STARD13: variants seen among roughly 807,000 people sequenced by gnomAD.
STARD13 encodes the protein stAR-related lipid transfer protein 13.
In STARD13, 62 loss-of-function variants were observed where a neutral mutation model predicts 106.4. The observed-to-expected ratio is 0.58, with a 90% CI of 0.48 to 0.72. STARD13 has a LOEUF of 0.72. Among genes scored for constraint, STARD13 ranks in the 30% least tolerant of loss-of-function variants. The pLI, the probability that STARD13 is intolerant of heterozygous loss-of-function variation, is 0.00. For missense variants in STARD13, 1,387 were observed against 1,424.0 expected, an observed-to-expected ratio of 0.97 and a Z score of 0.42; for synonymous variants, 565 against 553.0, an observed-to-expected ratio of 1.02 and a Z score of -0.31.
At chr13:33,413,995 T>G in the STARD13 span, among the ~76,000 whole-genome samples, 1 of 134,320 alleles carries the variant, frequency 7.4e-6, no homozygotes. Context: ...ATTGAACCAC[T>G]GCACTCCAGC....
At chr13:33,307,929 T>C (rs2321160) in intron 1 of STARD13, among the ~76,000 whole-genome samples, 58,512 of 152,124 alleles carry the variant, frequency 0.38, 12,593 homozygotes, top group South Asian at 0.56. Flanking sequence ...AGAGCAATTG[T>C]GGTTTCCTTA....
At chr13:33,403,026 C>T in the STARD13 span, among the ~76,000 whole-genome samples, 3,177 of 152,314 alleles carry the variant, frequency 0.021, 111 homozygotes, top group African/African-American at 0.073. Context: ...GCAGAGGGTC[C>T]ATTGAGCTGG....
chr13:33,641,192 G>A, the STARD13 span, among the ~76,000 whole-genome samples: 52 of 152,116 alleles, frequency 3.4e-4, no homozygotes, highest in African/African-American at 1.2e-3. Flanking sequence ...TCTAGAATAG[G>A]GTTCTTATGG....
At chr13:33,383,908 C>T in the STARD13 span, among the ~76,000 whole-genome samples, 11 of 151,608 alleles carry the variant, frequency 7.3e-5, no homozygotes, top group South Asian at 6.3e-4. Context: ...GGTGGAGTGT[C>T]GGGGGAGGGG....
At chr13:33,460,473 G>C in the STARD13 span, among the ~76,000 whole-genome samples, 312 of 150,514 alleles carry the variant, frequency 2.1e-3, 2 homozygotes, top group African/African-American at 7.3e-3. Flanking sequence ...CCTGGTGACA[G>C]AGCAGGACTC....
the STARD13 span, among the ~76,000 whole-genome samples, chr13:33,451,357 CAT>C: frequency 3.3e-5 from 5 of 152,018 alleles, no homozygotes; most frequent in African/African-American, 1.2e-4. Context: ...CTAGAAGCAA[CAT>C]GAGGGATGGA....
At chr13:33,153,211 G>A (rs1441721655) in intron 3 of STARD13, among the ~76,000 whole-genome samples, 13 of 152,214 alleles carry the variant, frequency 8.5e-5, no homozygotes, top group Non-Finnish European at 1.2e-4. Context: ...ACAAGGCCAT[G>A]TGACACCAAG....
At chr13:33,340,877 A>C (rs1042240898) in intron 1 of STARD13, among the ~76,000 whole-genome samples, 1 of 152,218 alleles carries the variant, frequency 6.6e-6, no homozygotes, top group African/African-American at 2.4e-5. Flanking sequence ...GCAGCATAGT[A>C]AAATTTATGT....
At chr13:33,203,284 T>A (rs1448271358) in intron 1 of STARD13, among the ~76,000 whole-genome samples, 1 of 152,216 alleles carries the variant, frequency 6.6e-6, no homozygotes, top group East Asian at 1.9e-4. Flanking sequence ...GCTGTGATCA[T>A]GTTCATCATG....
chr13:33,381,020 G>T, the STARD13 span, among the ~76,000 whole-genome samples: 1 of 152,106 alleles, frequency 6.6e-6, no homozygotes, highest in South Asian at 2.1e-4. Context: ...AATTCTAGAA[G>T]CAAAAATATC....
chr13:33,236,136 C>T (rs1566090127), intron 1 of STARD13, among the ~76,000 whole-genome samples: 2 of 152,116 alleles, frequency 1.3e-5, no homozygotes, highest in Non-Finnish European at 2.9e-5. Context: ...TTTGGGGAAC[C>T]CGAAGTGCCT....
the STARD13 span, among the ~76,000 whole-genome samples, chr13:33,583,601 G>T: frequency 6.6e-6 from 1 of 152,140 alleles, no homozygotes; most frequent in South Asian, 2.1e-4. Flanking sequence ...TATTACCTTG[G>T]TCCACTTCCT....
At chr13:33,575,960 C>G in the STARD13 span, among the ~76,000 whole-genome samples, 1 of 152,106 alleles carries the variant, frequency 6.6e-6, no homozygotes, top group Non-Finnish European at 1.5e-5. Context: ...TGTATACAAG[C>G]TGCAGTAAAA....
intron 1 of STARD13, among the ~76,000 whole-genome samples, chr13:33,202,432 A>C (rs1887106574): frequency 6.6e-6 from 1 of 152,216 alleles, no homozygotes; most frequent in Non-Finnish European, 1.5e-5. Flanking sequence ...GTGGTATGGA[A>C]AGACTGACTT....
chr13:33,461,106 A>G, the STARD13 span, among the ~76,000 whole-genome samples: 1 of 152,210 alleles, frequency 6.6e-6, no homozygotes, highest in African/African-American at 2.4e-5. Context: ...AGGAGAGATC[A>G]CCAAGGGGTG....
intron 1 of STARD13, among the ~76,000 whole-genome samples, chr13:33,192,384 C>A (rs1886313920): frequency 6.6e-6 from 1 of 152,168 alleles, no homozygotes; most frequent in Admixed American, 6.5e-5. Context: ...TTTCTTAATG[C>A]ATATTCAGGA....
rs936434514 is a variant in STARD13 at position 33,350,433 on chromosome 13, C to T, written c.-20G>A. On this transcript the variant is annotated 5_prime_UTR_variant, in exon 1 of 2. Coordinates refer to the STARD13 transcript ENST00000439831. ...GGTCATTTTAGATCCGTCCTCATAA[C>T]GACCGGCGGGCTCTCCACCGCCACT... is the stretch of plus-strand genomic sequence containing the variant. 51 of 1,524,262 alleles carry T rather than the reference C, an allele frequency of 3.3e-5. No individual in the cohort carries two copies. In the Admixed American group the frequency reaches 9.9e-4, roughly 30 times the overall value. The allele number at this position is 1,524,262 out of a possible 1,614,324, so 94.4% of individuals were successfully genotyped here. A position where few individuals can be genotyped will look rare whatever the true frequency, so the allele number is the denominator to read the frequency against.
chr13:33,216,461 G>A (rs1012889552), intron 1 of STARD13, among the ~76,000 whole-genome samples: 11 of 152,128 alleles, frequency 7.2e-5, no homozygotes, highest in Admixed American at 5.9e-4. Context: ...AGTAACTCAG[G>A]AATGGAAAAC....
At chr13:33,530,466 AT>A in the STARD13 span, among the ~76,000 whole-genome samples, 21,925 of 150,066 alleles carry the variant, frequency 0.15, 1,872 homozygotes, top group African/African-American at 0.24. Flanking sequence ...CCCTTCATAC[AT>A]TTTTTTATGT....
Sources: gnomAD v4.1 joint callset for allele counts (sites outside exome capture counted in the v4.1 genomes callset) on GRCh38, gnomAD v4.1.1 for gene constraint, MANE v1.5 for transcripts, NCBI Gene and HGNC (gene_info 2026-07-23, HGNC 2026-07-21) for gene names.